Variants in KIFC3 observed in about 807,000 individuals in gnomAD.
KIFC3 encodes kinesin-like protein KIFC3.
Under a neutral mutation model 101.8 loss-of-function variants are expected in KIFC3, and 60 were observed. That is an observed-to-expected ratio of 0.59 (90% CI 0.48 to 0.73). KIFC3 has a LOEUF of 0.73. Ranked by LOEUF, KIFC3 falls within the 30% of genes least tolerant of loss-of-function variation. The pLI is 0.00. For synonymous variants in KIFC3, 476 were observed against 482.7 expected (o/e 0.99, Z 0.18); for missense variants, 966 against 1,137.1 (o/e 0.85, Z 2.16).
At chr16:57,799,963 G>A (rs1166713258) in intron 1 of KIFC3, among the ~76,000 whole-genome samples, 5 of 152,084 alleles carry the variant, frequency 3.3e-5, no homozygotes, top group Non-Finnish European at 4.4e-5. Context: ...AGAGTGGGGC[G>A]GGAGCTGGGG....
intron 1 of KIFC3, among the ~76,000 whole-genome samples, chr16:57,823,955 G>A (rs1468694297): frequency 6.6e-6 from 1 of 152,090 alleles, no homozygotes; most frequent in Non-Finnish European, 1.5e-5. Context: ...GGAATCTATA[G>A]AAAAATTGCG....
chr16:57,843,242 A>G (rs1201910447), intron 1 of KIFC3, among the ~76,000 whole-genome samples: 1 of 152,330 alleles, frequency 6.6e-6, no homozygotes, highest in Admixed American at 6.5e-5. Flanking sequence ...AGGGCAAAAT[A>G]TTTCAGACAA....
In KIFC3 at chr16:57,795,895, T is replaced by TG. The variant is rs1361935934; in HGVS notation, c.173-755_173-754insC. ...TTTTGGGCTTTTTTGTTTTTTTTTT[T>TG]TTTTTTTTTTTTTTTTGAGACAGGG... is the stretch of plus-strand genomic sequence containing the variant. On this transcript the variant is annotated intron_variant, in intron 2 of 19. Coordinates refer to ENST00000445690, the MANE Select transcript of KIFC3 (RefSeq NM_001130100.2). Among the ~76,000 whole-genome samples the TG allele has an allele frequency of 2.6e-3, 377 of 142,792 alleles. 3 individuals are homozygous for TG. Among genetic ancestry groups the TG allele is most frequent in the African/African-American group, 9.4e-3 (361 of 38,206 alleles). 93.7% of individuals were successfully genotyped at this position (142,792 alleles called of 152,430 possible).
intron 1 of KIFC3, among the ~76,000 whole-genome samples, chr16:57,856,449 C>A (rs919049189): frequency 2.7e-5 from 3 of 111,260 alleles, no homozygotes; most frequent in African/African-American, 1.1e-4. Context: ...TGACAGAGAC[C>A]GTGTCTAAAA....
At chr16:57,786,512 A>T (rs2053339738) in intron 3 of KIFC3, among the ~76,000 whole-genome samples, 1 of 151,438 alleles carries the variant, frequency 6.6e-6, no homozygotes, top group Non-Finnish European at 1.5e-5. Context: ...TGGGGGAGAG[A>T]GAGAAGAATG....
chr16:57,805,476 T>C (rs2054913844), upstream of KIFC3, among the ~76,000 whole-genome samples: 1 of 152,096 alleles, frequency 6.6e-6, no homozygotes, highest in African/African-American at 2.4e-5. Flanking sequence ...GGAGGACTCT[T>C]GGGTTCAGCC....
At chr16:57,804,896 C>T (rs2054897007), upstream of KIFC3, among the ~76,000 whole-genome samples, 1 of 136,864 alleles carries the variant, frequency 7.3e-6, no homozygotes, top group East Asian at 2.0e-4. Context: ...AATCACTGTG[C>T]CTGACTCAAT....
intron 1 of KIFC3, among the ~76,000 whole-genome samples, chr16:57,841,650 G>C (rs2055812430): frequency 6.6e-6 from 1 of 152,118 alleles, no homozygotes. Context: ...CTGGGGGACA[G>C]AGCGAGACTG....
chr16:57,806,696 A>G (rs1244207226), upstream of KIFC3, among the ~76,000 whole-genome samples: 3 of 152,214 alleles, frequency 2.0e-5, no homozygotes, highest in Admixed American at 6.5e-5. Flanking sequence ...GAAGTAAGAG[A>G]AGGCTCCTTA....
In KIFC3 at chr16:57,850,983, T is replaced by TC. The variant is rs1223286662; in HGVS notation, c.108+11745_108+11746insG. Among the ~76,000 whole-genome samples the TC allele has an allele frequency of 3.5e-4, 6 of 17,162 alleles. No individual in the cohort carries two copies. In the East Asian group the frequency reaches 0.015, roughly 44 times the overall value. 11.3% of individuals were successfully genotyped at this position (17,162 alleles called of 152,430 possible). ...CTTCCTTCCTTCCTTCCTTCCTTCCTTCCTTCCTTCCTTCCCTCCCTCCCT... is the reference window on the plus strand; with the variant it reads ...CTTCCTTCCTTCCTTCCTTCCTTCCTCTCCTTCCTTCCTTCCCTCCCTCCCT... On this transcript the variant is annotated intron_variant, in intron 1 of 2. Transcript: ENST00000563028.
At chr16:57,789,560 G>A (rs782687979) in intron 3 of KIFC3, among the ~76,000 whole-genome samples, 1 of 152,180 alleles carries the variant, frequency 6.6e-6, no homozygotes, top group Non-Finnish European at 1.5e-5. Context: ...ATGGTGTAGT[G>A]GCTGAGAGTA....
At chr16:57,762,832 A>G (rs578202897) in intron 12 of KIFC3, among the ~76,000 whole-genome samples, 1 of 152,146 alleles carries the variant, frequency 6.6e-6, no homozygotes, top group African/African-American at 2.4e-5. Context: ...CTCACTCTCT[A>G]TTCCGGCCAC....
chr16:57,759,272 G>T, intron 18 of KIFC3, 119 bp from the exon 19 acceptor site: 1 of 1,220,494 alleles, frequency 8.2e-7, no homozygotes, highest in Non-Finnish European at 1.2e-6. Flanking sequence ...CATGATCTGG[G>T]CTAAACAGGG....
chr16:57,843,861 A>G (rs1299863986), intron 1 of KIFC3, among the ~76,000 whole-genome samples: 1 of 152,120 alleles, frequency 6.6e-6, no homozygotes, highest in African/African-American at 2.4e-5. Context: ...TAATCCCAGC[A>G]CTTTGGGAGG....
chr16:57,765,620 G>A lies in KIFC3; in HGVS notation c.1351C>T (p.Arg451Cys), dbSNP rs782356063. The A allele has an allele frequency of 3.1e-6, 5 of 1,611,518 alleles. No homozygotes were observed. The highest frequency in any genetic ancestry group is 1.1e-5 in the South Asian group (1 of 90,170). The change falls in exon 11 of 20, where the codon CGT becomes TGT. Residue 451 changes from arginine (R) to cysteine (C), a missense_variant. Arg to Cys is a radical substitution (Grantham distance 180). Coordinates refer to ENST00000445690, the MANE Select transcript of KIFC3 (RefSeq NM_001130100.2). ...RLKGNIRVIA[R>C]VRPVTKEDGE... ...TCCTCTTTGGTGACTGGCCGGACAC[G>A]AGCAATCACTCGGATGTTCCCTGGA... is the stretch of plus-strand genomic sequence containing the variant.
intron 1 of KIFC3, among the ~76,000 whole-genome samples, chr16:57,844,547 G>C (rs536453061): frequency 6.6e-6 from 1 of 152,248 alleles, no homozygotes; most frequent in African/African-American, 2.4e-5. Context: ...CCTGGGGAGG[G>C]GGATTGGAGT....
rs782023745 is a variant in KIFC3, at chr16:57,769,919, C to T, written c.976G>A (p.Gly326Arg). 1.2e-6 allele frequency: 2 copies of T among 1,613,738 alleles called. No homozygotes were observed. The highest frequency in any genetic ancestry group is 1.1e-5 in the South Asian group (1 of 91,088). Residue 326 changes from glycine (G) to arginine (R), a missense_variant, in exon 8 of 20, where the codon GGG becomes AGG. Gly to Arg is a moderately radical substitution (Grantham distance 125, BLOSUM62 -2). This residue lies in a region of KIFC3 where 689 missense variants were observed against 884.6 expected (regional missense o/e 0.78). Coordinates refer to ENST00000445690, the MANE Select transcript of KIFC3 (RefSeq NM_001130100.2). This position sits in a 1 kb window ranked among gnomAD's most constrained non-coding sequence, Gnocchi z 4.3. ...GACTGCATCTCCTCCAGCATCTGCC[C>T]ATGGGCCCGCTCCAGCTCTGACTCG... The part of the protein sequence containing the change: ...MYESELERAH[G>R]QMLEEMQSLE...
Position 57,816,379 on chromosome 16 carries a change from C to G in KIFC3, c.109-18097G>C, listed in dbSNP as rs1416435844. 8 of 676,248 alleles carry G rather than the reference C, an allele frequency of 1.2e-5. No homozygotes were observed. The African/African-American group carries it at 1.5e-4, about 13-fold the overall frequency. 41.9% of individuals were successfully genotyped at this position (676,248 alleles called of 1,614,324 possible). On this transcript the variant is annotated intron_variant, in intron 1 of 2. Coordinates refer to the KIFC3 transcript ENST00000563028. ...CTCCTGGCTTCCTCTTGAGGAAGGC[C>G]TCAGAAGACCCGCCTTTGGTCACAG...
At chr16:57,786,876 G>A (rs2053383628) in intron 3 of KIFC3, among the ~76,000 whole-genome samples, 1 of 152,178 alleles carries the variant, frequency 6.6e-6, no homozygotes, top group South Asian at 2.1e-4. Flanking sequence ...CACAGCCCCA[G>A]GAGGAGGGGC....
Sources: allele counts gnomAD v4.1 joint callset (sites outside exome capture counted in the v4.1 genomes callset), GRCh38; gene constraint gnomAD v4.1.1; regional missense constraint gnomAD v4.1.1; non-coding constraint Gnocchi (gnomAD v3.1); transcripts MANE v1.5; gene names NCBI Gene and HGNC (gene_info 2026-07-23, HGNC 2026-07-21).